The following C2orf15 variants were observed in gnomAD, a reference collection of about 807,000 sequenced individuals.
C2orf15 encodes the protein chromosome 2 open reading frame 15.
A neutral mutation model predicts 4.4 loss-of-function variants in C2orf15; 3 were observed. That is an observed-to-expected ratio of 0.67 (90% CI 0.31 to 1.74). The LOEUF (loss-of-function observed/expected upper bound fraction) is 1.74, where lower values mean the gene tolerates loss of function less well. Ranked by LOEUF, C2orf15 falls within the 40% of genes most tolerant of loss-of-function variation. The pLI, the probability that C2orf15 is intolerant of heterozygous loss-of-function variation, is 0.09. For missense variants in C2orf15, 90 were observed against 103.3 expected (o/e 0.87, Z 0.56); for synonymous variants, 37 against 36.8 (o/e 1.00, Z -0.02).
chr2:99,142,253 G>A (rs570944529), intron 1 of C2orf15, 32 bp from the exon 2 acceptor site: 1 of 152,318 alleles, frequency 6.6e-6, no homozygotes, highest in South Asian at 2.1e-4. Flanking sequence ...GCTTCTGGAT[G>A]ATAATGGTGA....
chr2:99,146,587 C>T (rs951690966), intron 2 of C2orf15, among the ~76,000 whole-genome samples: 9 of 152,150 alleles, frequency 5.9e-5, no homozygotes, highest in African/African-American at 2.2e-4. Flanking sequence ...ATTGCATTTA[C>T]AGTTCTGCCA....
At chr2:99,142,772 T>A (rs11683107) in intron 2 of C2orf15, among the ~76,000 whole-genome samples, 79,205 of 152,064 alleles carry the variant, frequency 0.52, 22,133 homozygotes, top group Middle Eastern at 0.7. Flanking sequence ...TTATTTTGAA[T>A]ACATTATCTA....
At chr2:99,148,338 A>T (rs570745875) in intron 3 of C2orf15, 14 of 152,346 alleles carry the variant, frequency 9.2e-5, no homozygotes, top group Admixed American at 5.9e-4. Context: ...ATTCATCTTC[A>T]AGTTCCAAAT....
intron 3 of C2orf15, 59 bp from the exon 4 acceptor site, chr2:99,150,424 G>A: frequency 1.1e-6 from 1 of 938,918 alleles, no homozygotes; most frequent in Non-Finnish European, 1.6e-6. Context: ...AACAAACATT[G>A]CCATGAAGTT....
intron 3 of C2orf15, among the ~76,000 whole-genome samples, chr2:99,148,954 T>G (rs1362889363): frequency 6.6e-6 from 1 of 151,834 alleles, no homozygotes; most frequent in African/African-American, 2.4e-5. Flanking sequence ...GTTATATATA[T>G]TTTACCACAA....
rs1372472066 is a variant in C2orf15 at position 99,151,629 on chromosome 2, T to C, written c.*795T>C. 6.6e-6 allele frequency: 1 copy of C among 152,216 alleles called. No homozygotes were observed. The highest frequency in any genetic ancestry group is 1.9e-4 in the East Asian group (1 of 5,208). 9.4% of individuals were successfully genotyped at this position (152,216 alleles called of 1,614,324 possible). On this transcript the variant is annotated 3_prime_UTR_variant, in exon 4 of 4. Coordinates refer to ENST00000650052, the MANE Select transcript of C2orf15 (RefSeq NM_144706.4). The stretch of plus-strand genomic sequence containing the variant: ...TTGTTCTGTAAAAGATCACTGCCAA[T>C]AAACTGCAAAAGACCAATAAATTGC...
In C2orf15 at chr2:99,150,605, A is replaced by G. The variant is rs529608099; in HGVS notation, c.47A>G (p.His16Arg). 2.5e-6 allele frequency: 4 copies of G among 1,613,982 alleles called. No homozygotes were observed. In the South Asian group the frequency reaches 3.3e-5, roughly 13 times the overall value. ...SKSATQVSAI[H>R]MDSKVDDHLI... is the part of the protein sequence containing the mutation. ...TCTGCTACTCAGGTATCTGCTATAC[A>G]TATGGATTCAAAAGTGGATGATCAC... Residue 16 changes from histidine (H) to arginine (R), a missense_variant, in exon 4 of 4, where the codon CAT becomes CGT. Physicochemically the swap from His to Arg is conservative, Grantham distance 29. Transcript: ENST00000650052.
rs905811327 is a variant in C2orf15, at chr2:99,141,851, C to T, written c.-372C>T. 2.0e-5 allele frequency: 3 copies of T among 152,412 alleles called. No homozygotes were observed. The highest frequency in any genetic ancestry group is 2.9e-5 in the Non-Finnish European group (2 of 68,138). The allele number at this position is 152,412 out of a possible 1,614,324, so 9.4% of individuals were successfully genotyped here. A position where few individuals can be genotyped will look rare whatever the true frequency, so the allele number is the denominator to read the frequency against. On this transcript the variant is annotated 5_prime_UTR_variant, in exon 1 of 4. Coordinates refer to ENST00000650052, the MANE Select transcript of C2orf15 (RefSeq NM_144706.4). ...CTCAGAGCTGCTTTCGGGCGCAGCT[C>T]CTGCTGCAGCCAGGGCCCGTTTTAA...
Position 99,150,713 on chromosome 2 carries a change from C to G in C2orf15, c.155C>G (p.Thr52Arg). 6.2e-7 allele frequency: 1 copy of G among 1,613,918 alleles called. No homozygotes were observed. The highest frequency in any genetic ancestry group is 8.5e-7 in the Non-Finnish European group (1 of 1,179,940). Reference protein sequence around the residue: ...QNTKKIRLEDTNQENFTRIEG... With the variant: ...QNTKKIRLEDRNQENFTRIEG... ...ACCAAGAAAATAAGATTAGAAGACA[C>G]AAATCAAGAAAACTTTACAAGGATT... is the stretch of plus-strand genomic sequence containing the variant. The change falls in exon 4 of 4, where the codon ACA (threonine) becomes AGA (arginine). Residue 52 changes from threonine to arginine, a missense_variant. Coordinates refer to ENST00000650052, the MANE Select transcript of C2orf15 (RefSeq NM_144706.4).
chr2:99,150,018 C>T (rs997297531), intron 3 of C2orf15, among the ~76,000 whole-genome samples: 1 of 152,012 alleles, frequency 6.6e-6, no homozygotes, highest in African/African-American at 2.4e-5. Context: ...GTCTCTCAAT[C>T]CTAACCTTTG....
chr2:99,148,223 T>G (rs1315030831), intron 3 of C2orf15: 1 of 152,226 alleles, frequency 6.6e-6, no homozygotes, highest in Non-Finnish European at 1.5e-5. Flanking sequence ...AGTTATGCAT[T>G]TGACAGGAGT....
At chr2:99,142,929 G>A (rs1559149863) in intron 2 of C2orf15, among the ~76,000 whole-genome samples, 1 of 152,074 alleles carries the variant, frequency 6.6e-6, no homozygotes, top group Non-Finnish European at 1.5e-5. Context: ...AAGCACTTAT[G>A]TATGCCACCT....
At chr2:99,143,133 C>CTTTTT (rs10605521) in intron 2 of C2orf15, among the ~76,000 whole-genome samples, 1 of 82,152 alleles carries the variant, frequency 1.2e-5, no homozygotes, top group Non-Finnish European at 2.3e-5. Flanking sequence ...CCAACTAAAC[C>CTTTTT]TTTTTTTTTT....
chr2:99,142,119 T>C (rs1454191551), intron 1 of C2orf15, 166 bp from the exon 2 acceptor site: 2 of 152,230 alleles, frequency 1.3e-5, no homozygotes, highest in African/African-American at 4.8e-5. Context: ...ACAAATGAGC[T>C]TTTTAGTGAA....
chr2:99,150,768 GA>G lies in C2orf15; in HGVS notation c.213del (p.Ala72ProfsTer14), dbSNP rs2093685525. The G allele has an allele frequency of 6.2e-7, 1 of 1,613,616 alleles. No individual in the cohort carries two copies. ...GGACTGGCACAGGATCTCTTTCTGGGAAAGCCTTGGGTTCAGTGGTATATGT... is the reference window on the plus strand; with the variant it reads ...GGACTGGCACAGGATCTCTTTCTGGGAAGCCTTGGGTTCAGTGGTATATGT... ...EGTGTGSLSGKALGSVVYVKE... is the reference protein window; with the variant it reads ...EGTGTGSLSGXALGSVVYVKE... On this transcript the variant is annotated frameshift_variant, in exon 4 of 4. Transcript: ENST00000650052. LOFTEE classifies it high-confidence loss of function.
At chr2:99,147,543 GT>G (rs1439953329) in intron 3 of C2orf15, 50 bp downstream of exon 3, 1 of 1,520,888 alleles carries the variant, frequency 6.6e-7, no homozygotes. Flanking sequence ...TTCCTCCTCA[GT>G]CCTTTTATTA....
At position 99,147,228 on chromosome 2, in the gene C2orf15, T is replaced by C. The variant is rs2105139506; in HGVS notation, c.-168-174T>C. On this transcript the variant is annotated intron_variant, in intron 2 of 3. Coordinates refer to ENST00000650052, the MANE Select transcript of C2orf15 (RefSeq NM_144706.4). Reference sequence around the variant, plus strand: ...GTTGCCCAGGCTGGTCTCAAACTGCTGGACTCAAGAGATCTTTCCACCTTG... The same window carrying C: ...GTTGCCCAGGCTGGTCTCAAACTGCCGGACTCAAGAGATCTTTCCACCTTG... 8.8e-6 allele frequency: 4 copies of C among 453,030 alleles called. No homozygotes were observed. In the East Asian group the frequency reaches 1.3e-4, roughly 15 times the overall value. 28.1% of individuals were successfully genotyped at this position (453,030 alleles called of 1,614,324 possible). A position where few individuals can be genotyped will look rare whatever the true frequency, so the allele number is the denominator to read the frequency against.
chr2:99,149,818 G>A (rs1440935641), intron 3 of C2orf15, among the ~76,000 whole-genome samples: 2 of 124,132 alleles, frequency 1.6e-5, no homozygotes, highest in African/African-American at 3.1e-5. Context: ...TTAAGACAGA[G>A]TCTCGCTCTT....
chr2:99,150,336 C>A, intron 3 of C2orf15, 147 bp from the exon 4 acceptor site: 1 of 510,396 alleles, frequency 2.0e-6, no homozygotes, highest in Non-Finnish European at 3.4e-6. Context: ...CAAACCCTCC[C>A]ACAAAGAAAA....
Sources: gnomAD v4.1 joint callset for allele counts (sites outside exome capture counted in the v4.1 genomes callset) on GRCh38, gnomAD v4.1.1 for gene constraint, MANE v1.5 for transcripts, NCBI Gene and HGNC (gene_info 2026-07-23, HGNC 2026-07-21) for gene names.